The following PCDHA3 variants were observed in gnomAD, a reference collection of about 807,000 sequenced individuals.
PCDHA3 encodes the protein protocadherin alpha 3.
A neutral mutation model predicts 62.2 loss-of-function variants in PCDHA3; 41 were observed. That is an observed-to-expected ratio of 0.66 (90% confidence interval 0.51 to 0.86). The LOEUF is 0.86. PCDHA3 is among the 40% of genes least tolerant of loss of function. The pLI is 0.00. For missense variants in PCDHA3, 1,304 were observed against 1,241.2 expected, an observed-to-expected ratio of 1.05 and a Z score of -0.76; for synonymous variants, 640 against 555.4, an observed-to-expected ratio of 1.15 and a Z score of -2.14.
At chr5:140,856,510 A>G (rs1193359159) in intron 1 of PCDHA3, 2 of 1,598,532 alleles carry the variant, frequency 1.3e-6, no homozygotes, top group Non-Finnish European at 1.7e-6. Context: ...TTCCACTAGA[A>G]GGCGCATCTG....
chr5:140,864,821 G>A (rs575763318), intron 1 of PCDHA3: 20 of 152,124 alleles, frequency 1.3e-4, no homozygotes, highest in Middle Eastern at 3.4e-3. Flanking sequence ...CACTTATTTG[G>A]GCTTTAAGTA....
In PCDHA3 at chr5:140,885,198, T is replaced by A. The variant is rs531029212; in HGVS notation, c.2394+81607T>A. On this transcript the variant is annotated intron_variant, in intron 1 of 3. Coordinates refer to ENST00000522353, the MANE Select transcript of PCDHA3 (RefSeq NM_018906.3). ...TAGGCACATCAGTGTTCCCCTCTCATATATCCCATGAAAAATATCTTGTGA... is the reference window on the plus strand; with the variant it reads ...TAGGCACATCAGTGTTCCCCTCTCAAATATCCCATGAAAAATATCTTGTGA... Among the ~76,000 whole-genome samples the A allele has an allele frequency of 5.9e-5, 9 of 152,276 alleles. No homozygotes were observed. In the South Asian group the frequency reaches 1.7e-3, roughly 28 times the overall value.
chr5:140,991,981 T>TACC (rs1311484629), intron 3 of PCDHA3, among the ~76,000 whole-genome samples: 8 of 152,126 alleles, frequency 5.3e-5, no homozygotes, highest in Admixed American at 2.0e-4. Flanking sequence ...TTATTCTGCC[T>TACC]ACCACCCGGT....
At chr5:141,009,529 T>G in intron 3 of PCDHA3, 98 bp from the exon 4 acceptor site, 1 of 1,505,630 alleles carries the variant, frequency 6.6e-7, no homozygotes, top group Non-Finnish European at 8.9e-7. Context: ...TCTGGGGAGG[T>G]TCAGCCTGCC....
intron 1 of PCDHA3, chr5:140,856,567 A>C: frequency 6.3e-7 from 1 of 1,597,710 alleles, no homozygotes; most frequent in Non-Finnish European, 8.6e-7. Flanking sequence ...AACTCAGTCC[A>C]AATGAGTATT....
At chr5:140,824,202 T>C in intron 1 of PCDHA3, 1 of 1,595,300 alleles carries the variant, frequency 6.3e-7, no homozygotes, top group African/African-American at 1.3e-5. Flanking sequence ...ACCCACTTTT[T>C]TTGTATTTAA....
intron 1 of PCDHA3, chr5:140,811,029 T>C (rs1764780657): frequency 6.6e-6 from 1 of 152,244 alleles, no homozygotes; most frequent in Admixed American, 6.5e-5. Flanking sequence ...TATTATACTT[T>C]AAGTTCTAGG....
intron 1 of PCDHA3, chr5:140,805,334 T>C: frequency 1.6e-6 from 2 of 1,235,188 alleles, no homozygotes; most frequent in South Asian, 4.9e-5. Flanking sequence ...TTGATGTCAA[T>C]GATCATTTTG....
chr5:140,884,478 C>G, intron 1 of PCDHA3: 1 of 1,613,916 alleles, frequency 6.2e-7, no homozygotes, highest in African/African-American at 1.3e-5. Context: ...CCGGGCAAGC[C>G]CACTCTAGTG....
intron 1 of PCDHA3, chr5:140,871,159 G>A (rs781816033): frequency 1.2e-6 from 2 of 1,613,450 alleles, no homozygotes; most frequent in African/African-American, 1.3e-5. Flanking sequence ...GGCGGGCGCC[G>A]CGAGCCCAGA....
intron 1 of PCDHA3, chr5:140,930,201 A>G (rs1185112868): frequency 6.6e-6 from 1 of 152,178 alleles, no homozygotes; most frequent in Non-Finnish European, 1.5e-5. Flanking sequence ...TTATGTCAGA[A>G]ATATTTATGT....
intron 1 of PCDHA3, chr5:140,864,163 C>T (rs2048345363): frequency 6.6e-6 from 1 of 152,054 alleles, no homozygotes; most frequent in South Asian, 2.1e-4. Context: ...TTAAATCTTA[C>T]CGGAAGGATC....
rs782421802 is a variant in PCDHA3, at chr5:140,862,804, C to T, written c.2394+59213C>T. The T allele has an allele frequency of 7.0e-6, 4 of 574,030 alleles. No individual in the cohort carries two copies. The African/African-American group carries it at 7.9e-5, about 11-fold the overall frequency. The allele number at this position is 574,030 out of a possible 1,614,324, so 35.6% of individuals were successfully genotyped here. On this transcript the variant is annotated intron_variant, in intron 1 of 3. Coordinates refer to ENST00000522353, the MANE Select transcript of PCDHA3 (RefSeq NM_018906.3). ...ACTGGACTACGAGGAGCTGGAGCTG[C>T]TGCAGTTCTAGGTGAGAGCGCGCGA...
In PCDHA3 at chr5:140,857,667, G is replaced by A. The variant is rs375722457; in HGVS notation, c.2394+54076G>A. 3.4e-5 allele frequency: 54 copies of A among 1,596,806 alleles called. 7 individuals are homozygous for A. The highest frequency in any genetic ancestry group is 4.5e-5 in the Non-Finnish European group (52 of 1,167,800). ...TTCCAGGTGAGCGCGCGCGATGGGGGCGTGCCGCCTCTGGGCAGCAACTTG... is the reference window on the plus strand; with the variant it reads ...TTCCAGGTGAGCGCGCGCGATGGGGACGTGCCGCCTCTGGGCAGCAACTTG... On this transcript the variant is annotated intron_variant, in intron 1 of 3. Coordinates refer to ENST00000522353, the MANE Select transcript of PCDHA3 (RefSeq NM_018906.3).
At chr5:140,965,356 A>T (rs1554227617) in intron 1 of PCDHA3, among the ~76,000 whole-genome samples, 3 of 152,194 alleles carry the variant, frequency 2.0e-5, no homozygotes, top group African/African-American at 7.2e-5. Flanking sequence ...CCTCTATAGC[A>T]GTACAAGAGG....
chr5:140,915,626 GTCTCTC>G (rs57920489), intron 1 of PCDHA3, among the ~76,000 whole-genome samples: 2,942 of 146,518 alleles, frequency 0.02, 88 homozygotes, highest in African/African-American at 0.07. Context: ...GTCTCTTTCT[GTCTCTC>G]TCTCTCTCTC....
chr5:140,805,265 G>A (rs1368015439), intron 1 of PCDHA3: 13 of 1,286,610 alleles, frequency 1.0e-5, no homozygotes, highest in Non-Finnish European at 1.3e-5. Context: ...CCTGGTAAAT[G>A]AAAATATTAC....
rs144119560 is a variant in PCDHA3 at position 140,883,581 on chromosome 5, C to G, written c.2394+79990C>G. ...GGGGGCTCGCCTTCGCTGTGGGCCACGGCCAGCGTGTCGGTGGGGGTGGCC... is the reference window on the plus strand; with the variant it reads ...GGGGGCTCGCCTTCGCTGTGGGCCAGGGCCAGCGTGTCGGTGGGGGTGGCC... On this transcript the variant is annotated intron_variant, in intron 1 of 3. Coordinates refer to ENST00000522353, the MANE Select transcript of PCDHA3 (RefSeq NM_018906.3). 2.6e-4 allele frequency: 420 copies of G among 1,614,018 alleles called. 1 individual carries two copies. In the African/African-American group the frequency reaches 5.3e-3, roughly 20 times the overall value.
intron 1 of PCDHA3, among the ~76,000 whole-genome samples, chr5:140,838,217 A>C (rs1332894700): frequency 6.7e-6 from 1 of 150,262 alleles, no homozygotes; most frequent in Non-Finnish European, 1.5e-5. Context: ...TGGTACAAGC[A>C]GTTCTCATGC....
Sources: allele counts gnomAD v4.1 joint callset (sites outside exome capture counted in the v4.1 genomes callset), GRCh38; gene constraint gnomAD v4.1.1; transcripts MANE v1.5; gene names NCBI Gene and HGNC (gene_info 2026-07-23, HGNC 2026-07-21).